The following CACNG5 variants were observed in gnomAD, a reference collection of about 807,000 sequenced individuals.
CACNG5 encodes the protein voltage-dependent calcium channel gamma-5 subunit.
A neutral mutation model predicts 24.8 loss-of-function variants in CACNG5; 18 were observed. The ratio of observed to expected loss-of-function variants is 0.73; its 90% CI spans 0.50 to 1.08. The LOEUF (loss-of-function observed/expected upper bound fraction) is 1.08. Among genes scored for constraint, CACNG5 ranks in the 50% least tolerant of loss-of-function variants. The pLI is 0.00. For missense variants in CACNG5, 349 were observed against 367.9 expected (o/e 0.95, Z 0.42); for synonymous variants, 157 against 149.1 (o/e 1.05, Z -0.39).
intron 1 of CACNG5, among the ~76,000 whole-genome samples, chr17:66,868,348 C>T (rs1392778708): frequency 6.6e-6 from 1 of 152,208 alleles, no homozygotes; most frequent in Non-Finnish European, 1.5e-5. Flanking sequence ...AGCCTGGACT[C>T]CTGGCAGACA....
intron 1 of CACNG5, among the ~76,000 whole-genome samples, chr17:66,846,102 T>A (rs1976635638): frequency 6.6e-6 from 1 of 152,206 alleles, no homozygotes; most frequent in Non-Finnish European, 1.5e-5. Context: ...TCCAGTCTCC[T>A]TTAATATCCT....
chr17:66,888,679 T>C lies in CACNG5; in HGVS notation c.*3439T>C, dbSNP rs1977298902. 6.6e-6 allele frequency among the ~76,000 whole-genome samples: 1 copy of C among 151,810 alleles called. No individual in the cohort carries two copies. Among genetic ancestry groups the C allele is most frequent in the African/African-American group, 2.4e-5 (1 of 41,352 alleles). On this transcript the variant is annotated 3_prime_UTR_variant, in exon 6 of 6. Transcript: ENST00000533854. ...TGGACGATTTCAGTCAGGAGCACTC[T>C]CTCTTACAGACCAAGAGTATTTATT...
intron 1 of CACNG5, among the ~76,000 whole-genome samples, chr17:66,845,321 G>A (rs987209591): frequency 2.5e-4 from 38 of 152,086 alleles, no homozygotes; most frequent in Non-Finnish European, 1.3e-4. Context: ...GAAGGACAAT[G>A]TTGGGACAAC....
Position 66,880,698 on chromosome 17 carries a change from G to T in CACNG5, c.424+1G>T. ...TCTGGCATCTTCTTTATCCTCTCAG[G>T]TAAGTTGTGTTGTTTTCTTTTCTTG... On this transcript the variant is annotated splice_donor_variant, in intron 4 of 5. Coordinates refer to ENST00000533854, the MANE Select transcript of CACNG5 (RefSeq NM_145811.3). LOFTEE classifies it high-confidence loss of function. 4.3e-6 allele frequency: 7 copies of T among 1,613,060 alleles called. No individual in the cohort carries two copies. Among genetic ancestry groups the T allele is most frequent in the Non-Finnish European group, 5.9e-6 (7 of 1,179,698 alleles).
chr17:66,862,157 G>T (rs1225925198), intron 1 of CACNG5, among the ~76,000 whole-genome samples: 1 of 152,280 alleles, frequency 6.6e-6, no homozygotes, highest in East Asian at 1.9e-4. Flanking sequence ...GTCATTAATT[G>T]GAGGAGCAGA....
intron 1 of CACNG5, among the ~76,000 whole-genome samples, chr17:66,869,229 G>A (rs1473568814): frequency 1.3e-5 from 2 of 152,084 alleles, no homozygotes; most frequent in African/African-American, 2.4e-5. Context: ...GATTACAGGT[G>A]TGTGCCATCA....
intron 1 of CACNG5, among the ~76,000 whole-genome samples, chr17:66,856,603 G>A (rs954070171): frequency 9.4e-5 from 14 of 149,274 alleles, no homozygotes; most frequent in Admixed American, 2.0e-4. Context: ...GTGCAATGGC[G>A]CTATCTCGGC....
Position 66,884,583 on chromosome 17 carries a change from C to T in CACNG5, c.492C>T (p.Thr164=). 2.5e-6 allele frequency: 4 copies of T among 1,614,110 alleles called. No individual in the cohort carries two copies. The highest frequency in any genetic ancestry group is 2.2e-5 in the East Asian group (1 of 44,876). Residue 164 remains threonine, a synonymous_variant, in exon 5 of 6, where the codon ACC becomes ACT. Coordinates refer to ENST00000533854, the MANE Select transcript of CACNG5 (RefSeq NM_145811.3). ...SSINDEMLNR[T]KDAETYFNYK... is the part of the protein sequence containing the mutation. ...TCAACGATGAGATGCTCAACAGGAC[C>T]AAGGATGCAGAGACCTACTTCAACT... is the stretch of plus-strand genomic sequence containing the variant.
Position 66,893,690 on chromosome 17 carries a change from A to T in CACNG5, c.*8450A>T, listed in dbSNP as rs908991429. ...CTGACTCCCAGGGCACCATGGAGCAAATGGCCAGTGGGTGTGCCATGGCAG... is the reference window on the plus strand; with the variant it reads ...CTGACTCCCAGGGCACCATGGAGCATATGGCCAGTGGGTGTGCCATGGCAG... On this transcript the variant is annotated 3_prime_UTR_variant, in exon 6 of 6. Transcript: ENST00000533854. Among the ~76,000 whole-genome samples the T allele has an allele frequency of 2.0e-5, 3 of 152,142 alleles. No individual in the cohort carries two copies. The highest frequency in any genetic ancestry group is 7.2e-5 in the African/African-American group (3 of 41,426).
rs1449365684 is a variant in CACNG5, at chr17:66,889,512, A to T, written c.*4272A>T. Among the ~76,000 whole-genome samples, 2 of 152,152 alleles carry T rather than the reference A, an allele frequency of 1.3e-5. No homozygotes were observed. The highest frequency in any genetic ancestry group is 6.5e-5 in the Admixed American group (1 of 15,290). On this transcript the variant is annotated 3_prime_UTR_variant, in exon 6 of 6. Transcript: ENST00000533854. ...TGGTCTATCAGGGTTCTCCAGAAAA[A>T]CAGAATCAACAGGATGAATATATAG... is the stretch of plus-strand genomic sequence containing the variant.
At chr17:66,843,694 C>T (rs1286018805) in intron 1 of CACNG5, among the ~76,000 whole-genome samples, 2 of 151,910 alleles carry the variant, frequency 1.3e-5, no homozygotes, top group African/African-American at 4.8e-5. Flanking sequence ...ATGAGCCGTT[C>T]GTGGGTGGAG....
Position 66,885,096 on chromosome 17 carries a change from A to G in CACNG5, c.684A>G (p.Ser228=). Residue 228 remains serine, a synonymous_variant, in exon 6 of 6, where the codon TCA becomes TCG. Coordinates refer to ENST00000533854, the MANE Select transcript of CACNG5 (RefSeq NM_145811.3). ...GGCTGAGCAACTGCTCCGATTACTC[A>G]GGCCAGTTCCTACACCCAGACGCCT... ...RPRLSNCSDY[S]GQFLHPDAWV... 1.2e-6 allele frequency: 2 copies of G among 1,614,190 alleles called. No individual in the cohort carries two copies. The highest frequency in any genetic ancestry group is 1.7e-6 in the Non-Finnish European group (2 of 1,180,028).
intron 1 of CACNG5, among the ~76,000 whole-genome samples, chr17:66,847,310 T>C (rs1194524275): frequency 6.6e-6 from 1 of 152,196 alleles, no homozygotes; most frequent in Non-Finnish European, 1.5e-5. Context: ...TAGTCCCTTT[T>C]CATACTGCTG....
In CACNG5 at chr17:66,894,636, C is replaced by A. The variant is rs193295268; in HGVS notation, c.*9396C>A. On this transcript the variant is annotated 3_prime_UTR_variant, in exon 6 of 6. Coordinates refer to ENST00000533854, the MANE Select transcript of CACNG5 (RefSeq NM_145811.3). ...ATTTTTTTTCCTTCCCCCTCCACCC[C>A]ATGAGCAACCATTCAGATGTGTTTA... Among the ~76,000 whole-genome samples, 17 of 152,050 alleles carry A rather than the reference C, an allele frequency of 1.1e-4. No individual in the cohort carries two copies. The highest frequency in any genetic ancestry group is 2.2e-4 in the Non-Finnish European group (15 of 68,016).
intron 2 of CACNG5, 90 bp from the exon 3 acceptor site, chr17:66,878,882 C>A: frequency 8.9e-7 from 1 of 1,124,120 alleles, no homozygotes; most frequent in Non-Finnish European, 1.3e-6. Flanking sequence ...GTCAAAGATC[C>A]TAAAAACACA....
In CACNG5 at chr17:66,880,521, G is replaced by A. The variant is rs754590839; in HGVS notation, c.284-36G>A. 13 of 1,613,564 alleles carry A rather than the reference G, an allele frequency of 8.1e-6. No homozygotes were observed. The Admixed American group carries it at 2.2e-4, about 27-fold the overall frequency. On this transcript the variant is annotated intron_variant, in intron 3 of 5. Coordinates refer to ENST00000533854, the MANE Select transcript of CACNG5 (RefSeq NM_145811.3). ...GATGATGAGGAATGAATCAGGCCTG[G>A]AGGCTGACAGGCCGCCCTTTTGTCC...
At chr17:66,875,819 T>C (rs1277265735) in intron 1 of CACNG5, among the ~76,000 whole-genome samples, 1 of 152,220 alleles carries the variant, frequency 6.6e-6, no homozygotes, top group African/African-American at 2.4e-5. Flanking sequence ...GCCGACAGGA[T>C]AGCAAACTTG....
chr17:66,857,966 T>C (rs576842311), intron 1 of CACNG5, among the ~76,000 whole-genome samples: 1 of 152,144 alleles, frequency 6.6e-6, no homozygotes, highest in Non-Finnish European at 1.5e-5. Context: ...TAAGGACCAT[T>C]GATATATGGG....
Position 66,885,358 on chromosome 17 carries a change from G to A in CACNG5, c.*118G>A. The A allele has an allele frequency of 7.9e-7, 1 of 1,267,246 alleles. No homozygotes were observed. The highest frequency in any genetic ancestry group is 1.1e-6 in the Non-Finnish European group (1 of 927,296). 78.5% of individuals were successfully genotyped at this position (1,267,246 alleles called of 1,614,324 possible). ...AGGCCCAGGCCACCCATGCTTAGCTGTTGTCACTTGACCCCAGTCCTCTCC... is the reference window on the plus strand; with the variant it reads ...AGGCCCAGGCCACCCATGCTTAGCTATTGTCACTTGACCCCAGTCCTCTCC... On this transcript the variant is annotated 3_prime_UTR_variant, in exon 6 of 6. Coordinates refer to ENST00000533854, the MANE Select transcript of CACNG5 (RefSeq NM_145811.3).
Sources: allele counts gnomAD v4.1 joint callset (sites outside exome capture counted in the v4.1 genomes callset), GRCh38; gene constraint gnomAD v4.1.1; transcripts MANE v1.5; gene names NCBI Gene and HGNC (gene_info 2026-07-23, HGNC 2026-07-21).